The following PPP2R1B variants were observed in gnomAD, a reference collection of about 807,000 sequenced individuals.
PPP2R1B encodes serine/threonine-protein phosphatase 2A 65 kDa regulatory subunit A beta isoform.
Under a neutral mutation model 72.7 loss-of-function variants are expected in PPP2R1B, and 58 were observed. The ratio of observed to expected loss-of-function variants is 0.80; its 90% CI spans 0.65 to 0.99. The LOEUF (loss-of-function observed/expected upper bound fraction) is 0.99. Ranked by LOEUF, PPP2R1B falls within the 50% of genes least tolerant of loss-of-function variation. PPP2R1B has a pLI of 0.00. For missense variants in PPP2R1B, 695 were observed against 733.6 expected (o/e 0.95, Z 0.61); for synonymous variants, 256 against 264.6 (o/e 0.97, Z 0.32).
intron 1 of PPP2R1B, chr11:111,765,669 A>C (rs969579162): frequency 2.0e-6 from 1 of 509,582 alleles, no homozygotes; most frequent in South Asian, 1.6e-5. Flanking sequence ...TTTTAAAAAG[A>C]GAGCACTTTG....
chr11:111,694,598 A>G, the PPP2R1B span, among the ~76,000 whole-genome samples: 1 of 152,176 alleles, frequency 6.6e-6, no homozygotes, highest in Non-Finnish European at 1.5e-5. Flanking sequence ...ATTTTTTAAA[A>G]ATTTTTAAGT....
rs1555051266 is a variant in PPP2R1B at position 111,761,049 on chromosome 11, A to G, written c.309T>C (p.Pro103=). ...GGPDFAHCLL[P]PLENLATVEE... ...CCACAGTTGCCAGATTTTCCAAAGG[A>G]GGCTGAATGGATTAAAAAGGAAAAC... The change falls in exon 4 of 15, where the codon CCT becomes CCC. Residue 103 remains proline, a splice_region_variant and synonymous_variant. Transcript: ENST00000527614. The G allele has an allele frequency of 6.2e-7, 1 of 1,613,522 alleles. No individual in the cohort carries two copies. Among genetic ancestry groups the G allele is most frequent in the South Asian group, 1.1e-5 (1 of 91,012 alleles).
chr11:111,754,075 C>T (rs1034964917), intron 8 of PPP2R1B, among the ~76,000 whole-genome samples: 2 of 152,056 alleles, frequency 1.3e-5, no homozygotes, highest in Non-Finnish European at 1.5e-5. Context: ...TGCCACCAGG[C>T]TCAACTAATT....
intron 11 of PPP2R1B, among the ~76,000 whole-genome samples, 187 bp from the exon 12 acceptor site, chr11:111,743,717 A>C (rs530005647): frequency 6.6e-6 from 1 of 152,354 alleles, no homozygotes; most frequent in East Asian, 1.9e-4. Flanking sequence ...GCATATCCAC[A>C]GAAAAGGGAT....
downstream of PPP2R1B, chr11:111,722,514 C>A (rs893999197): frequency 5.1e-5 from 36 of 709,772 alleles, no homozygotes; most frequent in South Asian, 5.1e-4. This position sits in a 1 kb window ranked among gnomAD's most constrained non-coding sequence, Gnocchi z 4.4. Context: ...GATGCTCTTT[C>A]AGGGTCTCAG....
Position 111,755,403 on chromosome 11 carries a change from C to T in PPP2R1B, c.735G>A (p.Gln245=). ...TCTCAAGGTCATCCTGAGACAATAA[C>T]TGGGCAATACTGACACAAGCTTCCA... ...LAVEACVSIA[Q]LLSQDDLETL... Residue 245 remains glutamine, a synonymous_variant, in exon 6 of 15, where the codon CAG becomes CAA. Transcript: ENST00000527614. 1.2e-6 allele frequency: 2 copies of T among 1,612,050 alleles called. No individual in the cohort carries two copies. Among genetic ancestry groups the T allele is most frequent in the Non-Finnish European group, 1.7e-6 (2 of 1,179,568 alleles).
In PPP2R1B at chr11:111,739,576, G is replaced by C. The variant is rs930938486; in HGVS notation, c.*2020C>G. 14 of 985,326 alleles carry C rather than the reference G, an allele frequency of 1.4e-5. No homozygotes were observed. In the African/African-American group the frequency reaches 1.7e-4, roughly 12 times the overall value. The allele number at this position is 985,326 out of a possible 1,614,324, so 61.0% of individuals were successfully genotyped here. On this transcript the variant is annotated 3_prime_UTR_variant, in exon 15 of 15. Coordinates refer to ENST00000527614, the MANE Select transcript of PPP2R1B (RefSeq NM_002716.5). ...CCCTCTCTCAAACAGTTTTAGGGTA[G>C]AGAAGTCAATGCTTAGGGCTCCTCA...
At chr11:111,702,412 C>T in the PPP2R1B span, among the ~76,000 whole-genome samples, 1 of 152,174 alleles carries the variant, frequency 6.6e-6, no homozygotes, top group Non-Finnish European at 1.5e-5. Context: ...TTGCAAGACC[C>T]TGTCTCTACA....
downstream of PPP2R1B, among the ~76,000 whole-genome samples, chr11:111,736,665 A>G (rs1386649599): frequency 2.0e-5 from 3 of 152,210 alleles, no homozygotes; most frequent in African/African-American, 7.2e-5. Context: ...CTGGACCTCA[A>G]CAAAAGGCAA....
rs747682253 is a variant in PPP2R1B, at chr11:111,742,675, T to C, written c.1555-10A>G. 6.3e-7 allele frequency: 1 copy of C among 1,588,170 alleles called. No individual in the cohort carries two copies. The highest frequency in any genetic ancestry group is 1.3e-5 in the African/African-American group (1 of 74,314). On this transcript the variant is annotated splice_polypyrimidine_tract_variant and intron_variant, in intron 12 of 14. Transcript: ENST00000527614. ...AGGCCTCAGACAGTGCCTAGAAAAA[T>C]AAGTAAGATGGCACATTTAAAATAC... is the stretch of plus-strand genomic sequence containing the variant.
At chr11:111,712,443 T>G in the PPP2R1B span, 2 of 1,507,452 alleles carry the variant, frequency 1.3e-6, no homozygotes, top group South Asian at 1.2e-5. Context: ...TCCACAAGTG[T>G]TGTACTTTGG....
At chr11:111,724,297 C>T (rs1459057813), downstream of PPP2R1B, 5 of 951,426 alleles carry the variant, frequency 5.3e-6, no homozygotes, top group South Asian at 7.1e-5. Flanking sequence ...GTTGCTTCCT[C>T]CTGGTTCTGC....
chr11:111,757,957 C>CA (rs1357264447), intron 5 of PPP2R1B, among the ~76,000 whole-genome samples: 2 of 152,072 alleles, frequency 1.3e-5, no homozygotes, highest in Non-Finnish European at 2.9e-5. Context: ...GTTGCTCAAG[C>CA]AAAAAATCTA....
At chr11:111,721,777 G>A in the PPP2R1B span, 1 of 1,417,480 alleles carries the variant, frequency 7.1e-7, no homozygotes, top group South Asian at 1.3e-5. Flanking sequence ...TAAGAACTGA[G>A]ACGTTTTTCC....
At chr11:111,725,231 T>C (rs1943929759), downstream of PPP2R1B, 1 of 152,656 alleles carries the variant, frequency 6.6e-6, no homozygotes, top group African/African-American at 2.4e-5. Context: ...TTTCCATTTA[T>C]GTCAATGCTA....
chr11:111,766,034 G>A (rs1413879533), intron 1 of PPP2R1B: 2 of 598,052 alleles, frequency 3.3e-6, no homozygotes, highest in African/African-American at 1.9e-5. Context: ...GACGCCTCAG[G>A]GGGTCCGAAG....
downstream of PPP2R1B, among the ~76,000 whole-genome samples, chr11:111,737,141 A>T (rs987265414): frequency 6.6e-6 from 1 of 151,978 alleles, no homozygotes; most frequent in Non-Finnish European, 1.5e-5. Flanking sequence ...TCTTCACCAA[A>T]CCCCACTGGT....
chr11:111,721,052 G>A, the PPP2R1B span: 2 of 1,613,366 alleles, frequency 1.2e-6, no homozygotes, highest in Admixed American at 1.7e-5. Context: ...CTTGCTAGCA[G>A]CTGCCCTCAG....
chr11:111,706,667 A>G, the PPP2R1B span, among the ~76,000 whole-genome samples: 4 of 152,172 alleles, frequency 2.6e-5, no homozygotes, highest in Non-Finnish European at 5.9e-5. Flanking sequence ...TTTATATATA[A>G]AATAAGAGTA....
Sources: allele counts gnomAD v4.1 joint callset (sites outside exome capture counted in the v4.1 genomes callset), GRCh38; gene constraint gnomAD v4.1.1; non-coding constraint Gnocchi (gnomAD v3.1); transcripts MANE v1.5; gene names NCBI Gene and HGNC (gene_info 2026-07-23, HGNC 2026-07-21).